The following NTNG1 variants were observed in gnomAD, a reference collection of about 807,000 sequenced individuals.
NTNG1 encodes netrin-G1.
NTNG1 carries 16 observed loss-of-function variants against 54.0 expected under a neutral mutation model. The observed-to-expected ratio is 0.30, with a 90% CI of 0.20 to 0.45. The LOEUF (loss-of-function observed/expected upper bound fraction) is 0.45. Among genes scored for constraint, NTNG1 ranks in the 20% least tolerant of loss-of-function variants. NTNG1 has a pLI of 1.00. For synonymous variants in NTNG1, 255 were observed against 263.1 expected (o/e 0.97, Z 0.30); for missense variants, 530 against 678.7 (o/e 0.78, Z 2.43).
intron 2 of NTNG1, among the ~76,000 whole-genome samples, chr1:107,207,641 T>C (rs1019738463): frequency 9.2e-5 from 14 of 152,188 alleles, no homozygotes; most frequent in Admixed American, 2.0e-4. Context: ...CTTGTTTTCA[T>C]CATATTCAAA....
intron 2 of NTNG1, among the ~76,000 whole-genome samples, chr1:107,246,305 G>T (rs191712508): frequency 1.3e-4 from 20 of 151,820 alleles, no homozygotes; most frequent in Non-Finnish European, 2.6e-4. Flanking sequence ...TGCCCACCTC[G>T]GCCTCCAAAA....
At chr1:107,235,618 C>T (rs909034961) in intron 2 of NTNG1, among the ~76,000 whole-genome samples, 1 of 152,046 alleles carries the variant, frequency 6.6e-6, no homozygotes, top group African/African-American at 2.4e-5. Context: ...CAGTATATAC[C>T]CAGAGCCTTC....
intron 3 of NTNG1, among the ~76,000 whole-genome samples, chr1:107,382,315 G>A (rs1671700069): frequency 1.3e-5 from 2 of 152,242 alleles, no homozygotes; most frequent in East Asian, 3.9e-4. Context: ...AAAGAAATTA[G>A]CCCCAGAAAG....
At chr1:107,188,738 A>T (rs1274980730) in intron 2 of NTNG1, among the ~76,000 whole-genome samples, 1 of 152,054 alleles carries the variant, frequency 6.6e-6, no homozygotes, top group Non-Finnish European at 1.5e-5. Context: ...AGAACCCTCT[A>T]GACAGTTCAC....
intron 2 of NTNG1, among the ~76,000 whole-genome samples, chr1:107,303,311 G>A (rs954683511): frequency 1.4e-4 from 21 of 152,286 alleles, no homozygotes; most frequent in Non-Finnish European, 2.5e-4. Context: ...GTCTCTGTTA[G>A]TGAGAGTTAA....
chr1:107,394,104 A>C (rs1672534047), intron 3 of NTNG1, among the ~76,000 whole-genome samples: 1 of 151,338 alleles, frequency 6.6e-6, no homozygotes, highest in African/African-American at 2.4e-5. Context: ...TTGGTTCTCT[A>C]CCCCTGCCCA....
chr1:107,233,621 A>G (rs967903956), intron 2 of NTNG1, among the ~76,000 whole-genome samples: 2 of 152,194 alleles, frequency 1.3e-5, no homozygotes, highest in African/African-American at 4.8e-5. Flanking sequence ...CCCGCCGATC[A>G]TGGTCTTTCA....
intron 3 of NTNG1, among the ~76,000 whole-genome samples, chr1:107,356,973 A>G (rs1669971188): frequency 6.6e-6 from 1 of 152,182 alleles, no homozygotes; most frequent in Non-Finnish European, 1.5e-5. Flanking sequence ...ACTGCACTCC[A>G]GCCTGGGCAA....
At chr1:107,190,374 C>T (rs1657810325) in intron 2 of NTNG1, among the ~76,000 whole-genome samples, 1 of 152,082 alleles carries the variant, frequency 6.6e-6, no homozygotes, top group African/African-American at 2.4e-5. Context: ...AGCAAGATGT[C>T]TTAGAAGAAG....
chr1:107,413,109 ATTTCT>A (rs56024304), intron 5 of NTNG1, among the ~76,000 whole-genome samples: 142,711 of 149,704 alleles, frequency 0.95, 68,404 homozygotes, highest in East Asian at 1. Flanking sequence ...TTTCCTGTGG[ATTTCT>A]TTTCTTTTCT....
At chr1:107,166,261 T>A (rs927898585) in intron 2 of NTNG1, among the ~76,000 whole-genome samples, 2 of 152,172 alleles carry the variant, frequency 1.3e-5, no homozygotes, top group Admixed American at 1.3e-4. Context: ...AACTGCAAAG[T>A]CTTGTATTTC....
Position 107,484,731 on chromosome 1 carries a change from T to A in NTNG1, c.*3891T>A, listed in dbSNP as rs567951121. 1.3e-5 allele frequency among the ~76,000 whole-genome samples: 2 copies of A among 152,326 alleles called. No individual in the cohort carries two copies. The highest frequency in any genetic ancestry group is 6.5e-5 in the Admixed American group (1 of 15,300). On this transcript the variant is annotated 3_prime_UTR_variant, in exon 8 of 8. Coordinates refer to ENST00000370068, the MANE Select transcript of NTNG1 (RefSeq NM_001113226.3). The stretch of plus-strand genomic sequence containing the variant: ...TGGGGGAACAACTGTGAGGAAATCT[T>A]GACATCGAATATTTTGTTCCATCTC...
At chr1:107,415,806 T>G (rs1329241363) in intron 5 of NTNG1, among the ~76,000 whole-genome samples, 1 of 152,164 alleles carries the variant, frequency 6.6e-6, no homozygotes, top group Non-Finnish European at 1.5e-5. Context: ...TACAAAAACT[T>G]TCATTGGAAT....
chr1:107,368,512 C>A (rs1378282330), intron 3 of NTNG1, among the ~76,000 whole-genome samples: 1 of 152,184 alleles, frequency 6.6e-6, no homozygotes, highest in Non-Finnish European at 1.5e-5. Context: ...AGAAGTTGAA[C>A]TTGACTTCTA....
intron 7 of NTNG1, among the ~76,000 whole-genome samples, chr1:107,460,701 T>A (rs940712403): frequency 6.6e-6 from 1 of 152,210 alleles, no homozygotes; most frequent in Non-Finnish European, 1.5e-5. Context: ...TGAAAACTGA[T>A]GCTGGAAACT....
At chr1:107,298,447 A>G (rs1390551299) in intron 2 of NTNG1, among the ~76,000 whole-genome samples, 1 of 152,188 alleles carries the variant, frequency 6.6e-6, no homozygotes, top group Non-Finnish European at 1.5e-5. Flanking sequence ...TTATTCATAT[A>G]AAAAGAAATC....
intron 2 of NTNG1, among the ~76,000 whole-genome samples, chr1:107,192,605 T>TTTC (rs748525343): frequency 1.3e-5 from 2 of 152,050 alleles, no homozygotes; most frequent in Non-Finnish European, 2.9e-5. Flanking sequence ...ATCTCTCTCT[T>TTTC]TTCTTGTGTT....
chr1:107,159,717 G>T (rs545752648), intron 2 of NTNG1, among the ~76,000 whole-genome samples: 6 of 152,236 alleles, frequency 3.9e-5, no homozygotes, highest in African/African-American at 1.4e-4. Flanking sequence ...GATTTGGGCT[G>T]TGAGCTACAA....
At chr1:107,331,445 T>C (rs1668275185) in intron 3 of NTNG1, among the ~76,000 whole-genome samples, 1 of 152,136 alleles carries the variant, frequency 6.6e-6, no homozygotes, top group Non-Finnish European at 1.5e-5. Flanking sequence ...AATGTGTGAT[T>C]GGGCTCATTT....
Sources: gnomAD v4.1 joint callset for allele counts (sites outside exome capture counted in the v4.1 genomes callset) on GRCh38, gnomAD v4.1.1 for gene constraint, MANE v1.5 for transcripts, NCBI Gene and HGNC (gene_info 2026-07-23, HGNC 2026-07-21) for gene names.